TBC1D4: variants seen among roughly 807,000 people sequenced by gnomAD.
The protein encoded by TBC1D4 is TBC1 domain family member 4.
TBC1D4 carries 121 observed loss-of-function variants against 142.5 expected under a neutral mutation model. The ratio of observed to expected loss-of-function variants is 0.85; its 90% confidence interval spans 0.73 to 0.99. TBC1D4 has a LOEUF of 0.99. TBC1D4 is among the 50% of genes least tolerant of loss of function. TBC1D4 has a pLI of 0.00. For synonymous variants in TBC1D4, 630 were observed against 628.2 expected (o/e 1.00, Z -0.04); for missense variants, 1,475 against 1,606.6 (o/e 0.92, Z 1.40).
chr13:75,384,539 T>C (rs1330320131), intron 1 of TBC1D4, among the ~76,000 whole-genome samples: 12 of 150,524 alleles, frequency 8.0e-5, no homozygotes, highest in African/African-American at 2.2e-4. Context: ...CTACTTTAAT[T>C]TGGGAACCAG....
chr13:75,340,595 T>G (rs986405418), intron 7 of TBC1D4, among the ~76,000 whole-genome samples: 2 of 152,200 alleles, frequency 1.3e-5, no homozygotes, highest in African/African-American at 2.4e-5. Flanking sequence ...ACCCACAAAT[T>G]CTTTTACATT....
chr13:75,341,888 T>C (rs1880737541), intron 5 of TBC1D4, among the ~76,000 whole-genome samples: 1 of 151,256 alleles, frequency 6.6e-6, no homozygotes, highest in Non-Finnish European at 1.5e-5. Context: ...TGGAGAGGAG[T>C]TTTCAGAAAC....
chr13:75,374,003 G>A (rs939506667), intron 1 of TBC1D4, among the ~76,000 whole-genome samples: 4 of 152,140 alleles, frequency 2.6e-5, no homozygotes, highest in Non-Finnish European at 2.9e-5. Context: ...CCTGGAGAAA[G>A]AATATGCTTC....
At chr13:75,299,823 C>CAAAAAAAA (rs56719877) in intron 16 of TBC1D4, among the ~76,000 whole-genome samples, 1 of 105,964 alleles carries the variant, frequency 9.4e-6, no homozygotes, top group Non-Finnish European at 1.9e-5. Context: ...TTCTTTCCAG[C>CAAAAAAAA]AAAAAAAAAA....
chr13:75,387,535 A>C (rs1417776111), intron 1 of TBC1D4, among the ~76,000 whole-genome samples: 6 of 152,238 alleles, frequency 3.9e-5, no homozygotes, highest in Non-Finnish European at 5.9e-5. Context: ...TCACTGAATT[A>C]TGCAAATTTT....
intron 1 of TBC1D4, among the ~76,000 whole-genome samples, chr13:75,465,444 G>A (rs1288748223): frequency 6.6e-6 from 1 of 152,200 alleles, no homozygotes; most frequent in African/African-American, 2.4e-5. Context: ...AATGAACAAA[G>A]GAACAGCTAG....
chr13:75,411,701 T>A (rs937354542), intron 1 of TBC1D4, among the ~76,000 whole-genome samples: 3 of 150,288 alleles, frequency 2.0e-5, no homozygotes, highest in African/African-American at 7.5e-5. Flanking sequence ...TTTTTTATTT[T>A]TTTTTTTTTT....
chr13:75,474,856 C>T (rs1193812594), intron 1 of TBC1D4, among the ~76,000 whole-genome samples: 6 of 152,010 alleles, frequency 3.9e-5, no homozygotes, highest in African/African-American at 1.2e-4. Context: ...AGTCTGGTCT[C>T]GAACTCCTGA....
At chr13:75,474,280 C>G (rs1888537010) in intron 1 of TBC1D4, among the ~76,000 whole-genome samples, 2 of 152,204 alleles carry the variant, frequency 1.3e-5, no homozygotes, top group South Asian at 2.1e-4. Flanking sequence ...AGAAAACTGG[C>G]CGGGCACAGT....
chr13:75,424,284 A>G (rs567935537), intron 1 of TBC1D4, among the ~76,000 whole-genome samples: 15 of 90,072 alleles, frequency 1.7e-4, no homozygotes, highest in East Asian at 6.1e-4. Flanking sequence ...AAAAAAAAAA[A>G]AAAGAAAGAA....
At chr13:75,330,036 A>G (rs1437233396) in intron 8 of TBC1D4, among the ~76,000 whole-genome samples, 4 of 152,204 alleles carry the variant, frequency 2.6e-5, no homozygotes, top group Non-Finnish European at 5.9e-5. Flanking sequence ...CACGCTCTTT[A>G]GCTCTGAGAA....
chr13:75,438,930 T>C lies in TBC1D4; in HGVS notation c.498+42340A>G, dbSNP rs564076924. Among the ~76,000 whole-genome samples, 7 of 152,340 alleles carry C rather than the reference T, an allele frequency of 4.6e-5. No individual in the cohort carries two copies. In the South Asian group the frequency reaches 1.4e-3, roughly 32 times the overall value. ...TATGATAGGAGATAAAAGTATTTCC[T>C]GTTTAAGGCAATTTAAGTGGAAAGC... On this transcript the variant is annotated intron_variant, in intron 1 of 20. Coordinates refer to ENST00000377636, the MANE Select transcript of TBC1D4 (RefSeq NM_014832.5).
At chr13:75,321,695 G>C (rs1878795938) in intron 11 of TBC1D4, among the ~76,000 whole-genome samples, 1 of 152,084 alleles carries the variant, frequency 6.6e-6, no homozygotes, top group Non-Finnish European at 1.5e-5. Context: ...CTACCGTGTA[G>C]ATATTCATCA....
rs766800389 is a variant in TBC1D4 at position 75,481,417 on chromosome 13, G to A, written c.351C>T (p.Phe117=). ...TATGCTGCGCCTTGTGCTCGAAGAT[G>A]AATACCGCCGGGTTGGGCTGCGTGG... The part of the protein sequence containing the change: ...PSATQPNPAV[F]IFEHKAQHIS... Residue 117 remains phenylalanine, a synonymous_variant, in exon 1 of 21, where the codon TTC becomes TTT. Coordinates refer to ENST00000377636, the MANE Select transcript of TBC1D4 (RefSeq NM_014832.5). 1.2e-6 allele frequency: 2 copies of A among 1,613,770 alleles called. No homozygotes were observed. Among genetic ancestry groups the A allele is most frequent in the African/African-American group, 2.7e-5 (2 of 74,920 alleles).
At chr13:75,465,981 C>T (rs749145003) in intron 1 of TBC1D4, among the ~76,000 whole-genome samples, 2 of 152,168 alleles carry the variant, frequency 1.3e-5, no homozygotes, top group Non-Finnish European at 2.9e-5. Flanking sequence ...CCAGACTGAA[C>T]CAACGTACAT....
intron 1 of TBC1D4, among the ~76,000 whole-genome samples, chr13:75,476,043 G>A (rs572994740): frequency 3.9e-5 from 6 of 152,218 alleles, no homozygotes; most frequent in African/African-American, 1.4e-4. Context: ...AGGAGTTTGA[G>A]ACCAGCCTGG....
chr13:75,452,740 T>C (rs972971841), intron 1 of TBC1D4, among the ~76,000 whole-genome samples: 3 of 152,180 alleles, frequency 2.0e-5, no homozygotes, highest in Admixed American at 2.0e-4. Context: ...CAATCCCTGA[T>C]ATATGAGTGA....
chr13:75,439,344 C>T (rs1163649639), intron 1 of TBC1D4, among the ~76,000 whole-genome samples: 2 of 152,076 alleles, frequency 1.3e-5, no homozygotes, highest in Non-Finnish European at 2.9e-5. Context: ...TTTCACAGTT[C>T]AAATGTAATA....
At chr13:75,417,356 C>G (rs1398981990) in intron 1 of TBC1D4, among the ~76,000 whole-genome samples, 1 of 152,298 alleles carries the variant, frequency 6.6e-6, no homozygotes, top group South Asian at 2.1e-4. Flanking sequence ...CCACCTGCCC[C>G]GGGTAAGTGC....
Sources: gnomAD v4.1 joint callset for allele counts (sites outside exome capture counted in the v4.1 genomes callset) on GRCh38, gnomAD v4.1.1 for gene constraint, MANE v1.5 for transcripts, NCBI Gene and HGNC (gene_info 2026-07-23, HGNC 2026-07-21) for gene names.